Variants in GLT1D1 observed in about 807,000 individuals in gnomAD.
The protein encoded by GLT1D1 is glycosyltransferase 1 domain containing 1, also known as glycosyltransferase 1 domain-containing protein 1.
In GLT1D1, 21 loss-of-function variants were observed where a neutral mutation model predicts 28.7. That is an observed-to-expected ratio of 0.73 (90% CI 0.52 to 1.05). The LOEUF (loss-of-function observed/expected upper bound fraction) is 1.05. Ranked by LOEUF, GLT1D1 falls within the 50% of genes least tolerant of loss-of-function variation. The probability of loss-of-function intolerance (pLI) is 0.00; values close to 1 mark genes in which losing one functional copy is unlikely to be tolerated. For missense variants in GLT1D1, 343 were observed against 330.6 expected, an observed-to-expected ratio of 1.04 and a Z score of -0.29; for synonymous variants, 147 against 124.8, an observed-to-expected ratio of 1.18 and a Z score of -1.19.
At chr12:128,855,771 G>A (rs190911677) in intron 1 of GLT1D1, among the ~76,000 whole-genome samples, 977 of 38,770 alleles carry the variant, frequency 0.025, 11 homozygotes, top group African/African-American at 0.084. Flanking sequence ...TTTTTTTTTT[G>A]AGACAAAGCT....
chr12:128,908,636 G>A (rs976726581), intron 4 of GLT1D1, among the ~76,000 whole-genome samples: 3 of 143,398 alleles, frequency 2.1e-5, no homozygotes, highest in Admixed American at 7.5e-5. Flanking sequence ...TGTGGGACAC[G>A]GAGGGCAGCA....
chr12:128,878,172 G>T (rs944957417), intron 2 of GLT1D1, among the ~76,000 whole-genome samples: 1 of 152,138 alleles, frequency 6.6e-6, no homozygotes, highest in East Asian at 1.9e-4. Flanking sequence ...ATATGAGGAG[G>T]TTCATGTACA....
chr12:128,967,844 A>G (rs973505201), intron 7 of GLT1D1, among the ~76,000 whole-genome samples: 1 of 152,244 alleles, frequency 6.6e-6, no homozygotes, highest in Non-Finnish European at 1.5e-5. Flanking sequence ...TGTAAGCACC[A>G]GCCCGTGCAC....
chr12:128,936,186 A>C, intron 4 of GLT1D1, among the ~76,000 whole-genome samples: 3 of 138,952 alleles, frequency 2.2e-5, no homozygotes, highest in African/African-American at 2.7e-5. Flanking sequence ...ACGGAGTCTC[A>C]CTCTGTTGCC....
intron 7 of GLT1D1, among the ~76,000 whole-genome samples, chr12:128,958,586 CAAAA>C (rs1164628353): frequency 1.3e-5 from 1 of 74,438 alleles, no homozygotes; most frequent in African/African-American, 5.2e-5. Flanking sequence ...ATTAAAAAGA[CAAAA>C]AAAAAAAAAA....
chr12:128,939,618 A>T (rs1243837404), intron 4 of GLT1D1, among the ~76,000 whole-genome samples: 1 of 152,094 alleles, frequency 6.6e-6, no homozygotes, highest in Non-Finnish European at 1.5e-5. Flanking sequence ...AACAGGTTTA[A>T]TTGGCTCAAG....
At position 128,956,171 on chromosome 12, in the gene GLT1D1, A is replaced by AAAAAAAAAAAAAAAAAAAAAAAGAG. The variant is rs374597920; in HGVS notation, c.541-1373_541-1372insAAAAAAAAAAAAAAAAAAAAAGAGA. On this transcript the variant is annotated intron_variant, in intron 6 of 7. Coordinates refer to ENST00000281703, the MANE Select transcript of GLT1D1 (RefSeq NM_144669.3). ...GAGACTCCATCTCAAAAAAAAAAAA[A>AAAAAAAAAAAAAAAAAAAAAAAGAG]AGAGAAAGAGAGAAAGAAAGAAAGA... 6.4e-4 allele frequency among the ~76,000 whole-genome samples: 41 copies of AAAAAAAAAAAAAAAAAAAAAAAGAG among 63,940 alleles called. 11 individuals carry two copies. The highest frequency in any genetic ancestry group is 1.1e-3 in the Non-Finnish European group (30 of 28,304). 41.9% of individuals were successfully genotyped at this position (63,940 alleles called of 152,430 possible). A position where few individuals can be genotyped will look rare whatever the true frequency, so the allele number is the denominator to read the frequency against.
chr12:128,936,692 A>G (rs1484623684), intron 4 of GLT1D1, among the ~76,000 whole-genome samples: 2 of 152,154 alleles, frequency 1.3e-5, no homozygotes, highest in African/African-American at 4.8e-5. Context: ...ATGACAGCTT[A>G]ATGACTTTCC....
At chr12:128,874,196 C>G (rs1394054085) in intron 1 of GLT1D1, among the ~76,000 whole-genome samples, 1 of 144,792 alleles carries the variant, frequency 6.9e-6, no homozygotes, top group Non-Finnish European at 1.5e-5. Flanking sequence ...TTCTTTCTCT[C>G]TTTCTCTCTT....
At chr12:128,959,413 GGGGGGGACGGGTGGGGAGGTGGCA>G (rs1282727829) in intron 7 of GLT1D1, among the ~76,000 whole-genome samples, 16 of 87,296 alleles carry the variant, frequency 1.8e-4, no homozygotes, top group East Asian at 5.2e-4. Context: ...TGAGGCAGTG[GGGGGGGACGGGTGGGGAGGTGGCA>G]GCGGGGTGGG....
At chr12:128,981,035 C>A (rs1027554498) in intron 7 of GLT1D1, among the ~76,000 whole-genome samples, 2 of 151,992 alleles carry the variant, frequency 1.3e-5, no homozygotes, top group African/African-American at 4.8e-5. Context: ...AGCTTTTAGT[C>A]CAGAAGAAAA....
chr12:128,862,622 C>T (rs1486988054), intron 1 of GLT1D1, among the ~76,000 whole-genome samples: 1 of 152,178 alleles, frequency 6.6e-6, no homozygotes, highest in Non-Finnish European at 1.5e-5. Flanking sequence ...CCAGCTTGGG[C>T]AGCAACAGAA....
chr12:128,924,759 G>A (rs374200385), intron 4 of GLT1D1, among the ~76,000 whole-genome samples: 19 of 152,138 alleles, frequency 1.2e-4, no homozygotes, highest in African/African-American at 3.9e-4. Context: ...CAGAGATCGC[G>A]GGGCCAGATT....
chr12:128,887,437 C>T (rs1345330690), intron 2 of GLT1D1, among the ~76,000 whole-genome samples: 3 of 151,048 alleles, frequency 2.0e-5, no homozygotes, highest in African/African-American at 7.3e-5. Context: ...TGTTTTTGTG[C>T]AAGCATCTTT....
intron 1 of GLT1D1, 81 bp from the exon 2 acceptor site, chr12:128,875,833 A>T (rs541998580): frequency 7.6e-7 from 1 of 1,321,696 alleles, no homozygotes; most frequent in East Asian, 2.4e-5. Flanking sequence ...AAAAAAAAAA[A>T]AAGTCTTAAC....
chr12:128,863,048 A>G (rs1427902036), intron 1 of GLT1D1, among the ~76,000 whole-genome samples: 1 of 152,170 alleles, frequency 6.6e-6, no homozygotes, highest in African/African-American at 2.4e-5. Context: ...CTGGGCAAAG[A>G]CAGACTCATA....
chr12:128,979,441 C>T (rs1052776767), intron 7 of GLT1D1, among the ~76,000 whole-genome samples: 5 of 152,146 alleles, frequency 3.3e-5, no homozygotes, highest in East Asian at 1.9e-4. Flanking sequence ...ATTGTTCTCT[C>T]GCTGGTTGTT....
intron 5 of GLT1D1, among the ~76,000 whole-genome samples, chr12:128,946,555 C>T (rs892860737): frequency 6.6e-5 from 10 of 151,022 alleles, no homozygotes; most frequent in African/African-American, 1.7e-4. Context: ...ACCATGGTCT[C>T]GATCTCCTGA....
At chr12:128,976,412 A>G (rs552306623) in intron 7 of GLT1D1, among the ~76,000 whole-genome samples, 2 of 152,298 alleles carry the variant, frequency 1.3e-5, no homozygotes, top group Admixed American at 6.5e-5. Context: ...TTGAGAAGCA[A>G]AGCCACCGTC....
Sources: allele counts gnomAD v4.1 joint callset (sites outside exome capture counted in the v4.1 genomes callset), GRCh38; gene constraint gnomAD v4.1.1; transcripts MANE v1.5; gene names NCBI Gene and HGNC (gene_info 2026-07-23, HGNC 2026-07-21).